The following TRMT11 variants were observed in gnomAD, a reference collection of about 807,000 sequenced individuals.
The protein encoded by TRMT11 is tRNA (guanine(10)-N(2))-methyltransferase TRMT11.
Under a neutral mutation model 62.8 loss-of-function variants are expected in TRMT11, and 53 were observed. The observed-to-expected ratio is 0.84, with a 90% CI of 0.68 to 1.06. TRMT11 has a LOEUF of 1.06. Among genes scored for constraint, TRMT11 ranks in the 50% least tolerant of loss-of-function variants. The probability of loss-of-function intolerance (pLI) is 0.00; values close to 1 mark genes in which losing one functional copy is unlikely to be tolerated. For synonymous variants in TRMT11, 188 were observed against 190.3 expected, an observed-to-expected ratio of 0.99 and a Z score of 0.10; for missense variants, 556 against 553.4, an observed-to-expected ratio of 1.00 and a Z score of -0.05.
intron 17 of TRMT11, among the ~76,000 whole-genome samples, chr6:126,070,944 C>A (rs1776833655): frequency 1.3e-5 from 2 of 152,160 alleles, no homozygotes; most frequent in Admixed American, 1.3e-4. Context: ...CTGTGCCTGG[C>A]AGGCCACAGT....
In TRMT11 at chr6:126,079,297, C is replaced by G. The variant is rs973078246; in HGVS notation, c.*1437+26107C>G. 2.0e-5 allele frequency among the ~76,000 whole-genome samples: 3 copies of G among 152,050 alleles called. No individual in the cohort carries two copies. The East Asian group carries it at 5.8e-4, about 29-fold the overall frequency. On this transcript the variant is annotated intron_variant and NMD_transcript_variant, in intron 17 of 22. Transcript: ENST00000648977. ...CAACAATTGGCTCATGAAACTTCTG[C>G]AAATTTAACACCATGCTCTTGTGAG...
Position 126,136,806 on chromosome 6 carries a change from A to G in TRMT11, c.*1823+20951A>G, listed in dbSNP as rs1008828487. Among the ~76,000 whole-genome samples, 5 of 151,992 alleles carry G rather than the reference A, an allele frequency of 3.3e-5. No individual in the cohort carries two copies. In the South Asian group the frequency reaches 6.2e-4, roughly 19 times the overall value. On this transcript the variant is annotated intron_variant and NMD_transcript_variant, in intron 21 of 22. Coordinates refer to the TRMT11 transcript ENST00000648977. ...CAGAGACATAGACCAATGGAAGAGG[A>G]TAGAGACCCCAGAAGTAAGTGCATG... is the stretch of plus-strand genomic sequence containing the variant.
At chr6:126,148,809 G>T (rs1583889419) in intron 21 of TRMT11, among the ~76,000 whole-genome samples, 1 of 152,082 alleles carries the variant, frequency 6.6e-6, no homozygotes, top group Non-Finnish European at 1.5e-5. Flanking sequence ...CATTATTAAT[G>T]TATGACATAG....
intron 8 of TRMT11, 77 bp from the exon 9 acceptor site, chr6:126,011,176 A>T (rs1237910873): frequency 7.7e-6 from 10 of 1,300,706 alleles, no homozygotes; most frequent in Non-Finnish European, 1.0e-5. Flanking sequence ...GTGAGTTAAA[A>T]CATTACTTTT....
chr6:126,227,616 C>A, the TRMT11 span, among the ~76,000 whole-genome samples: 1 of 152,310 alleles, frequency 6.6e-6, no homozygotes, highest in Admixed American at 6.5e-5. Context: ...TAATGAAATT[C>A]CCTTCAAGCC....
chr6:126,225,872 T>G, the TRMT11 span, among the ~76,000 whole-genome samples: 2 of 152,016 alleles, frequency 1.3e-5, no homozygotes, highest in South Asian at 4.2e-4. Context: ...GTATTTTTAG[T>G]ACAGATGGGG....
At chr6:126,177,056 A>G (rs1778394660), upstream of TRMT11, 1 of 152,162 alleles carries the variant, frequency 6.6e-6, no homozygotes, top group Admixed American at 6.5e-5. Context: ...AAGTTAGCTG[A>G]GATGAAGAGT....
chr6:126,191,963 T>G (rs767020094), intron 1 of TRMT11, among the ~76,000 whole-genome samples: 35 of 152,076 alleles, frequency 2.3e-4, no homozygotes, highest in Non-Finnish European at 4.4e-4. Context: ...ATTTTAGAAG[T>G]TTTTTTCTAT....
intron 21 of TRMT11, among the ~76,000 whole-genome samples, chr6:126,151,905 C>CTCTTTCTTTCTTTCTTTCTT (rs66890632): frequency 0.053 from 4,230 of 80,284 alleles, 317 homozygotes; most frequent in Middle Eastern, 0.075. Context: ...TCTTTCTTTT[C>CTCTTTCTTTCTTTCTTTCTT]TCTTTCTTTC....
chr6:126,254,624 A>G, the TRMT11 span, among the ~76,000 whole-genome samples: 1 of 152,166 alleles, frequency 6.6e-6, no homozygotes, highest in African/African-American at 2.4e-5. Flanking sequence ...TTTTCTCATA[A>G]TGTGTGAAAC....
intron 1 of TRMT11, among the ~76,000 whole-genome samples, chr6:125,989,606 C>G (rs528847394): frequency 3.9e-5 from 6 of 152,284 alleles, no homozygotes; most frequent in African/African-American, 7.2e-5. Context: ...AATGCAGTGA[C>G]AATGGAGTGG....
intron 21 of TRMT11, among the ~76,000 whole-genome samples, chr6:126,171,778 G>C (rs1440259574): frequency 6.6e-6 from 1 of 152,150 alleles, no homozygotes; most frequent in East Asian, 1.9e-4. Context: ...GAGTGCAATG[G>C]TGTGATCTCG....
intron 17 of TRMT11, among the ~76,000 whole-genome samples, chr6:126,103,494 G>A (rs1777426723): frequency 6.6e-6 from 1 of 152,170 alleles, no homozygotes; most frequent in African/African-American, 2.4e-5. Context: ...TGTCTTAACT[G>A]GTCCTCTTCA....
At chr6:126,163,630 C>T (rs1393097871) in intron 21 of TRMT11, among the ~76,000 whole-genome samples, 1 of 152,176 alleles carries the variant, frequency 6.6e-6, no homozygotes, top group East Asian at 1.9e-4. Context: ...AGGAATGGTA[C>T]CAGCTCCTCT....
chr6:126,214,138 C>T, the TRMT11 span, among the ~76,000 whole-genome samples: 42 of 148,932 alleles, frequency 2.8e-4, no homozygotes, highest in Non-Finnish European at 5.2e-4. Context: ...ATTTCTGTTT[C>T]CTAGTATTTT....
chr6:126,131,678 C>T (rs1777784954), intron 21 of TRMT11, among the ~76,000 whole-genome samples: 1 of 151,936 alleles, frequency 6.6e-6, no homozygotes, highest in African/African-American at 2.4e-5. Flanking sequence ...TTGATTTTTT[C>T]TTCCAGGCCT....
In TRMT11 at chr6:126,013,081, G is replaced by A; in HGVS notation, c.1119G>A (p.Trp373Ter). 1 of 1,613,400 alleles carries A rather than the reference G, an allele frequency of 6.2e-7. No individual in the cohort carries two copies. Among genetic ancestry groups the A allele is most frequent in the Non-Finnish European group, 8.5e-7 (1 of 1,179,786 alleles). The change falls in exon 11 of 13, where the codon TGG (tryptophan) becomes TGA (stop). Residue 373 changes from tryptophan to a stop codon, truncating the protein, a stop_gained. Coordinates refer to ENST00000334379, the MANE Select transcript of TRMT11 (RefSeq NM_001031712.3). LOFTEE classifies it high-confidence loss of function. The stretch of plus-strand genomic sequence containing the variant: ...TTTTAGGTGGAAGACTAGTCTATTG[G>A]TTACCGGTGTATACGCCAGAGTATG... ...TLVLGGRLVY[W>*]LPVYTPEYTE...
chr6:126,139,918 G>C (rs946161566), intron 21 of TRMT11, among the ~76,000 whole-genome samples: 1 of 152,074 alleles, frequency 6.6e-6, no homozygotes, highest in East Asian at 1.9e-4. Context: ...TATCTGATTT[G>C]TTATTGTCTT....
At chr6:126,165,065 T>C (rs1778242257) in intron 21 of TRMT11, among the ~76,000 whole-genome samples, 1 of 152,020 alleles carries the variant, frequency 6.6e-6, no homozygotes, top group Non-Finnish European at 1.5e-5. Context: ...AATCACAAGG[T>C]CAGGAGTTCA....
Sources: allele counts gnomAD v4.1 joint callset (sites outside exome capture counted in the v4.1 genomes callset), GRCh38; gene constraint gnomAD v4.1.1; transcripts MANE v1.5; gene names NCBI Gene and HGNC (gene_info 2026-07-23, HGNC 2026-07-21).